The following PTPRT variants were observed in gnomAD, a reference collection of about 807,000 sequenced individuals.
The protein encoded by PTPRT is receptor-type tyrosine-protein phosphatase T.
A neutral mutation model predicts 176.8 loss-of-function variants in PTPRT; 56 were observed. That is an observed-to-expected ratio of 0.32 (90% CI 0.26 to 0.40). The LOEUF (loss-of-function observed/expected upper bound fraction) is 0.40, where lower values mean the gene tolerates loss of function less well. Ranked by LOEUF, PTPRT falls within the 10% of genes least tolerant of loss-of-function variation. The pLI is 1.00. For synonymous variants in PTPRT, 783 were observed against 739.0 expected (o/e 1.06, Z -0.96); for missense variants, 1,540 against 1,908.2 (o/e 0.81, Z 3.60).
intron 1 of PTPRT, among the ~76,000 whole-genome samples, chr20:42,987,056 A>G (rs550778299): frequency 7.2e-5 from 11 of 152,294 alleles, no homozygotes; most frequent in Non-Finnish European, 1.6e-4. Context: ...ACAAGAGGCC[A>G]CAGAACTCAG....
intron 1 of PTPRT, among the ~76,000 whole-genome samples, chr20:43,182,409 G>A (rs1479457397): frequency 4.7e-5 from 7 of 148,378 alleles, no homozygotes; most frequent in African/African-American, 7.4e-5. Flanking sequence ...TTTTTTTTCC[G>A]AGACACAGTC....
chr20:42,865,010 C>T (rs537847957), intron 2 of PTPRT, among the ~76,000 whole-genome samples: 118 of 152,336 alleles, frequency 7.7e-4, no homozygotes, highest in Admixed American at 2.0e-3. Flanking sequence ...TGGAACTATA[C>T]TCCAGGTGGC....
chr20:42,125,449 G>T (rs963112370), intron 19 of PTPRT, among the ~76,000 whole-genome samples: 2 of 152,160 alleles, frequency 1.3e-5, no homozygotes, highest in Non-Finnish European at 2.9e-5. Flanking sequence ...CACTGAGATT[G>T]AGCCTGGAGT....
intron 9 of PTPRT, among the ~76,000 whole-genome samples, chr20:42,414,738 T>C (rs186856904): frequency 4.5e-4 from 68 of 152,286 alleles, no homozygotes; most frequent in African/African-American, 1.6e-3. Flanking sequence ...AGCTATGAAA[T>C]TCTACTCAGA....
intron 1 of PTPRT, among the ~76,000 whole-genome samples, chr20:42,934,848 C>T (rs912605590): frequency 1.3e-5 from 2 of 152,028 alleles, no homozygotes; most frequent in African/African-American, 4.8e-5. Context: ...GCAAGTGGAT[C>T]ACCTGAGGTT....
At position 42,771,565 on chromosome 20, in the gene PTPRT, A is replaced by G. The variant is rs772372637; in HGVS notation, c.569-15T>C. 3.1e-6 allele frequency: 5 copies of G among 1,602,112 alleles called. No individual in the cohort carries two copies. The highest frequency in any genetic ancestry group is 2.6e-6 in the Non-Finnish European group (3 of 1,169,246). The stretch of plus-strand genomic sequence containing the variant: ...AGGTGCTTTTCCTAAGAGAGAAACC[A>G]AAGAACACAAGAGAATGAGATTCGA... On this transcript the variant is annotated splice_polypyrimidine_tract_variant and intron_variant, in intron 4 of 30. Transcript: ENST00000373187.
At chr20:43,008,958 G>T (rs186017556) in intron 1 of PTPRT, among the ~76,000 whole-genome samples, 1 of 152,080 alleles carries the variant, frequency 6.6e-6, no homozygotes, top group Non-Finnish European at 1.5e-5. Context: ...GGGTCTCTCC[G>T]CCTGACTTCA....
chr20:42,651,067 G>A (rs2075021007), intron 7 of PTPRT, among the ~76,000 whole-genome samples: 1 of 151,946 alleles, frequency 6.6e-6, no homozygotes, highest in South Asian at 2.1e-4. Context: ...TTTTACACGT[G>A]TAATTAAATG....
intron 1 of PTPRT, among the ~76,000 whole-genome samples, chr20:42,994,798 T>G (rs1984136015): frequency 6.6e-6 from 1 of 152,236 alleles, no homozygotes; most frequent in Non-Finnish European, 1.5e-5. Flanking sequence ...ATGCACTTTC[T>G]CATCTGCTAT....
intron 7 of PTPRT, among the ~76,000 whole-genome samples, chr20:42,530,297 C>A (rs1332323348): frequency 6.6e-6 from 1 of 152,218 alleles, no homozygotes; most frequent in Non-Finnish European, 1.5e-5. Context: ...CTCCTACCAA[C>A]CCTCTCTAAG....
At chr20:42,249,438 G>T (rs1378424807) in intron 13 of PTPRT, among the ~76,000 whole-genome samples, 1 of 152,184 alleles carries the variant, frequency 6.6e-6, no homozygotes, top group African/African-American at 2.4e-5. Flanking sequence ...GCTCTACCAG[G>T]TGTTAACTTG....
chr20:43,180,325 T>C (rs185064104), intron 1 of PTPRT, among the ~76,000 whole-genome samples: 7 of 96,832 alleles, frequency 7.2e-5, no homozygotes, highest in Middle Eastern at 8.6e-3. Flanking sequence ...AGCCAATTCC[T>C]ATAAGAAATG....
At chr20:42,421,382 A>C (rs79369148) in intron 9 of PTPRT, among the ~76,000 whole-genome samples, 3,009 of 152,170 alleles carry the variant, frequency 0.02, 106 homozygotes, top group African/African-American at 0.067. Context: ...ATGTGACCTT[A>C]TTTGGGAAAA....
intron 1 of PTPRT, among the ~76,000 whole-genome samples, chr20:42,978,916 G>A (rs1983116227): frequency 6.6e-6 from 1 of 152,154 alleles, no homozygotes; most frequent in Non-Finnish European, 1.5e-5. Flanking sequence ...CCCTTCGGCT[G>A]CTCTGTCTAT....
chr20:42,349,652 C>T (rs1026154410), intron 11 of PTPRT, among the ~76,000 whole-genome samples: 3 of 152,190 alleles, frequency 2.0e-5, no homozygotes, highest in Non-Finnish European at 4.4e-5. Flanking sequence ...TTGGGCCCCG[C>T]CTCATTCCTG....
intron 3 of PTPRT, among the ~76,000 whole-genome samples, chr20:42,787,340 G>A (rs942272397): frequency 4.6e-5 from 7 of 152,152 alleles, no homozygotes; most frequent in African/African-American, 1.7e-4. Flanking sequence ...AGGGCCACCT[G>A]TCTGCAGAAT....
chr20:42,391,381 G>C (rs1485581471), intron 9 of PTPRT, among the ~76,000 whole-genome samples: 3 of 152,192 alleles, frequency 2.0e-5, no homozygotes, highest in African/African-American at 7.2e-5. Flanking sequence ...CAAGAACCCA[G>C]ACATGGTCCC....
the PTPRT span, among the ~76,000 whole-genome samples, chr20:42,033,840 G>T: frequency 6.6e-6 from 1 of 152,138 alleles, no homozygotes; most frequent in East Asian, 1.9e-4. Context: ...TGATGCCACA[G>T]AATGCCATTT....
At chr20:42,508,718 G>T (rs530693853) in intron 7 of PTPRT, among the ~76,000 whole-genome samples, 6 of 151,634 alleles carry the variant, frequency 4.0e-5, no homozygotes, top group Non-Finnish European at 7.4e-5. Flanking sequence ...CAGACAATCT[G>T]CCTAGAGAAG....
Sources: allele counts gnomAD v4.1 joint callset (sites outside exome capture counted in the v4.1 genomes callset), GRCh38; gene constraint gnomAD v4.1.1; transcripts MANE v1.5; gene names NCBI Gene and HGNC (gene_info 2026-07-23, HGNC 2026-07-21).